The following RALGAPA2 variants were observed in gnomAD, a reference collection of about 807,000 sequenced individuals.
The protein encoded by RALGAPA2 is ral GTPase-activating protein subunit alpha-2.
In RALGAPA2, 139 loss-of-function variants were observed where a neutral mutation model predicts 230.4. That is an observed-to-expected ratio of 0.60 (90% CI 0.53 to 0.69). The LOEUF (loss-of-function observed/expected upper bound fraction) is 0.69. Among genes scored for constraint, RALGAPA2 ranks in the 30% least tolerant of loss-of-function variants. The pLI is 0.00. For synonymous variants in RALGAPA2, 847 were observed against 837.8 expected (o/e 1.01, Z -0.19); for missense variants, 2,163 against 2,276.0 (o/e 0.95, Z 1.01).
chr20:20,403,337 C>T (rs1044166467), intron 38 of RALGAPA2, among the ~76,000 whole-genome samples: 9 of 152,204 alleles, frequency 5.9e-5, no homozygotes, highest in African/African-American at 2.2e-4. Flanking sequence ...TTATGAGATG[C>T]TCTGAGGAGT....
chr20:20,555,415 T>A (rs2064054477), intron 23 of RALGAPA2, among the ~76,000 whole-genome samples: 1 of 152,224 alleles, frequency 6.6e-6, no homozygotes, highest in Non-Finnish European at 1.5e-5. Context: ...TTCCCTCCAA[T>A]TCCATGTGAA....
At chr20:20,710,616 G>C (rs1179472254) in intron 1 of RALGAPA2, among the ~76,000 whole-genome samples, 1 of 152,082 alleles carries the variant, frequency 6.6e-6, no homozygotes, top group East Asian at 1.9e-4. Context: ...AGGTCATGAT[G>C]AGTTCAGTGA....
rs1451367515 is a variant in RALGAPA2 at position 20,602,045 on chromosome 20, T to G, written c.2039-199A>C. Among the ~76,000 whole-genome samples, 3 of 152,334 alleles carry G rather than the reference T, an allele frequency of 2.0e-5. No individual in the cohort carries two copies. In the East Asian group the frequency reaches 5.8e-4, roughly 29 times the overall value. ...AATTTAAGAATTCTTGTTGCCAAAA[T>G]ATTTTCAAGAATCTAAAACAGTCTT... On this transcript the variant is annotated intron_variant, in intron 15 of 39. Coordinates refer to ENST00000202677, the MANE Select transcript of RALGAPA2 (RefSeq NM_020343.4).
chr20:20,464,542 T>C (rs2061373242), intron 37 of RALGAPA2, among the ~76,000 whole-genome samples: 1 of 152,204 alleles, frequency 6.6e-6, no homozygotes, highest in African/African-American at 2.4e-5. Flanking sequence ...CCCACTTCCT[T>C]CTTGTCTGCA....
intron 14 of RALGAPA2, among the ~76,000 whole-genome samples, chr20:20,607,380 T>C (rs2065853375): frequency 6.6e-6 from 1 of 152,196 alleles, no homozygotes; most frequent in Non-Finnish European, 1.5e-5. Context: ...TAGTTAATTA[T>C]ATAAAAAACA....
At chr20:20,468,139 C>G (rs746422433) in intron 37 of RALGAPA2, among the ~76,000 whole-genome samples, 1 of 152,138 alleles carries the variant, frequency 6.6e-6, no homozygotes, top group Non-Finnish European at 1.5e-5. Context: ...GGATCCAAAA[C>G]AAAAATAGTA....
At chr20:20,683,169 C>T (rs1029747199) in intron 1 of RALGAPA2, among the ~76,000 whole-genome samples, 4 of 152,212 alleles carry the variant, frequency 2.6e-5, no homozygotes, top group Non-Finnish European at 5.9e-5. Context: ...GCCTTTAACA[C>T]GTACGTGTTC....
chr20:20,468,045 A>C (rs1210481812), intron 37 of RALGAPA2, among the ~76,000 whole-genome samples: 1 of 151,784 alleles, frequency 6.6e-6, no homozygotes, highest in Admixed American at 6.6e-5. Flanking sequence ...TTTCCCTCCC[A>C]TTCTTATACA....
chr20:20,657,769 T>C (rs2067639795), intron 3 of RALGAPA2, among the ~76,000 whole-genome samples: 2 of 152,186 alleles, frequency 1.3e-5, no homozygotes, highest in African/African-American at 4.8e-5. Flanking sequence ...GATCATATTC[T>C]GATCCCATCT....
At chr20:20,649,210 T>C (rs569441866) in intron 4 of RALGAPA2, among the ~76,000 whole-genome samples, 2 of 152,114 alleles carry the variant, frequency 1.3e-5, no homozygotes, top group Non-Finnish European at 2.9e-5. Context: ...GGGAGTCCTG[T>C]GTGAAGTGCA....
chr20:20,444,793 C>T (rs1291998681), intron 37 of RALGAPA2, among the ~76,000 whole-genome samples: 1 of 152,200 alleles, frequency 6.6e-6, no homozygotes, highest in Non-Finnish European at 1.5e-5. Flanking sequence ...CCGTGACTTC[C>T]TTTTCCATAA....
chr20:20,615,179 T>TC (rs2066098853), intron 13 of RALGAPA2, among the ~76,000 whole-genome samples: 1 of 150,490 alleles, frequency 6.6e-6, no homozygotes, highest in South Asian at 2.1e-4. Context: ...TTTTTTTTTT[T>TC]CCCGAGACAA....
intron 37 of RALGAPA2, among the ~76,000 whole-genome samples, chr20:20,455,959 G>A (rs1434435066): frequency 6.6e-6 from 1 of 152,200 alleles, no homozygotes; most frequent in Admixed American, 6.5e-5. Flanking sequence ...CCAAGTTAAA[G>A]TGAAAATAAG....
At chr20:20,645,093 G>A (rs1399447118) in intron 4 of RALGAPA2, among the ~76,000 whole-genome samples, 1 of 147,180 alleles carries the variant, frequency 6.8e-6, no homozygotes, top group East Asian at 2.0e-4. Flanking sequence ...GCTTGTTTTT[G>A]GTGGTGGTGG....
chr20:20,439,441 G>A (rs2060686807), intron 37 of RALGAPA2, among the ~76,000 whole-genome samples: 1 of 152,070 alleles, frequency 6.6e-6, no homozygotes, highest in African/African-American at 2.4e-5. Context: ...TCGAACTCCA[G>A]AGCTTAAGCG....
chr20:20,410,838 C>T (rs959758729), intron 38 of RALGAPA2, among the ~76,000 whole-genome samples: 13 of 152,144 alleles, frequency 8.5e-5, no homozygotes, highest in South Asian at 6.2e-4. Context: ...GAAGCAGAGG[C>T]GTGATTATGC....
intron 2 of RALGAPA2, among the ~76,000 whole-genome samples, chr20:20,677,628 C>CTTTTT (rs1568741580): frequency 2.4e-4 from 29 of 121,840 alleles, no homozygotes; most frequent in South Asian, 2.7e-4. Context: ...TGATTTGACC[C>CTTTTT]ATTTTTTTTT....
At chr20:20,474,641 G>C (rs775595018) in intron 36 of RALGAPA2, among the ~76,000 whole-genome samples, 2 of 152,200 alleles carry the variant, frequency 1.3e-5, no homozygotes, top group Non-Finnish European at 2.9e-5. Context: ...TGAGGTGGGA[G>C]AGACAGAGAG....
chr20:20,454,416 C>A (rs1001373882), intron 37 of RALGAPA2, among the ~76,000 whole-genome samples: 1 of 152,222 alleles, frequency 6.6e-6, no homozygotes, highest in Non-Finnish European at 1.5e-5. Flanking sequence ...GCCACTGCTG[C>A]CTGCTCCTTA....
Sources: gnomAD v4.1 joint callset for allele counts (sites outside exome capture counted in the v4.1 genomes callset) on GRCh38, gnomAD v4.1.1 for gene constraint, MANE v1.5 for transcripts, NCBI Gene and HGNC (gene_info 2026-07-23, HGNC 2026-07-21) for gene names.